The following MCOLN2 variants were observed in gnomAD, a reference collection of about 807,000 sequenced individuals.
MCOLN2 encodes mucolipin TRP cation channel 2.
In MCOLN2, 57 loss-of-function variants were observed where a neutral mutation model predicts 67.5. The ratio of observed to expected loss-of-function variants is 0.84; its 90% CI spans 0.68 to 1.05. The LOEUF is 1.05. Ranked by LOEUF, MCOLN2 falls within the 50% of genes least tolerant of loss-of-function variation. The pLI is 0.00. For missense variants in MCOLN2, 620 were observed against 678.8 expected, an observed-to-expected ratio of 0.91 and a Z score of 0.96; for synonymous variants, 246 against 233.3, an observed-to-expected ratio of 1.05 and a Z score of -0.50.
intron 7 of MCOLN2, among the ~76,000 whole-genome samples, chr1:84,944,616 T>C (rs1647991982): frequency 1.3e-5 from 2 of 152,006 alleles, no homozygotes; most frequent in Non-Finnish European, 2.9e-5. Flanking sequence ...CCCCAATTCC[T>C]CCCCAAGCCC....
chr1:84,937,797 G>A lies in MCOLN2; in HGVS notation c.1293C>T (p.Tyr431=). 2 of 1,614,160 alleles carry A rather than the reference G, an allele frequency of 1.2e-6. No individual in the cohort carries two copies. Among genetic ancestry groups the A allele is most frequent in the Non-Finnish European group, 1.7e-6 (2 of 1,180,034 alleles). ...CTAAGACAATCCAGCCACAGAATGTGTAACCCAGATAAATCATACCAGCAC... is the reference window on the plus strand; with the variant it reads ...CTAAGACAATCCAGCCACAGAATGTATAACCCAGATAAATCATACCAGCAC... The part of the protein sequence containing the change: ...CACAGMIYLG[Y]TFCGWIVLGP... Residue 431 remains tyrosine (Y), a synonymous_variant, in exon 11 of 14, where the codon TAC becomes TAT. Transcript: ENST00000370608.
chr1:84,974,581 G>C (rs1457951333), intron 1 of MCOLN2, among the ~76,000 whole-genome samples: 1 of 151,916 alleles, frequency 6.6e-6, no homozygotes, highest in African/African-American at 2.4e-5. Context: ...ATTCCTGGCA[G>C]CATTCATCAC....
At chr1:84,976,374 A>AG (rs1282220214) in intron 1 of MCOLN2, among the ~76,000 whole-genome samples, 1 of 152,258 alleles carries the variant, frequency 6.6e-6, no homozygotes, top group Non-Finnish European at 1.5e-5. Flanking sequence ...GCCAAGAGTG[A>AG]GGGGCATGAC....
At chr1:84,961,659 C>T (rs1649094036) in intron 2 of MCOLN2, among the ~76,000 whole-genome samples, 1 of 152,036 alleles carries the variant, frequency 6.6e-6, no homozygotes, top group Admixed American at 6.6e-5. Flanking sequence ...ATGGTATTGG[C>T]CAAATGACTG....
At chr1:84,927,178 A>G (rs1050612785) in intron 13 of MCOLN2, among the ~76,000 whole-genome samples, 41 of 151,190 alleles carry the variant, frequency 2.7e-4, no homozygotes, top group African/African-American at 9.9e-4. Context: ...CGTTCAGCAC[A>G]TGTATCCCAG....
At chr1:84,934,040 T>C (rs933093987) in intron 11 of MCOLN2, among the ~76,000 whole-genome samples, 1 of 152,188 alleles carries the variant, frequency 6.6e-6, no homozygotes, top group Non-Finnish European at 1.5e-5. Flanking sequence ...ATACTCAAGG[T>C]CCTAATGTGC....
At chr1:84,934,355 G>A (rs1647313054) in intron 11 of MCOLN2, among the ~76,000 whole-genome samples, 1 of 152,116 alleles carries the variant, frequency 6.6e-6, no homozygotes, top group Non-Finnish European at 1.5e-5. Flanking sequence ...GGCCCACGAT[G>A]AGAACTCAAC....
chr1:84,940,863 G>A lies in MCOLN2; in HGVS notation c.960+16C>T. On this transcript the variant is annotated intron_variant, in intron 8 of 13. Coordinates refer to ENST00000370608, the MANE Select transcript of MCOLN2 (RefSeq NM_153259.4). ...CAGGCCAAGAGGGCAGGAAGAGAATGCGAACACACTCTTACCTTCCGTAAC... is the reference window on the plus strand; with the variant it reads ...CAGGCCAAGAGGGCAGGAAGAGAATACGAACACACTCTTACCTTCCGTAAC... The A allele has an allele frequency of 6.4e-7, 1 of 1,570,180 alleles. No individual in the cohort carries two copies. The highest frequency in any genetic ancestry group is 1.1e-5 in the South Asian group (1 of 88,152).
At chr1:84,995,533 C>T (rs1651099476) in intron 1 of MCOLN2, among the ~76,000 whole-genome samples, 1 of 152,132 alleles carries the variant, frequency 6.6e-6, no homozygotes, top group South Asian at 2.1e-4. Context: ...GGAAAGTCCA[C>T]TTTTACTTTT....
intron 9 of MCOLN2, 86 bp downstream of exon 9, chr1:84,939,467 G>A (rs766822615): frequency 7.4e-5 from 95 of 1,290,256 alleles, no homozygotes; most frequent in Non-Finnish European, 1.0e-4. Flanking sequence ...GAATCAAAGT[G>A]GTCTCCAAAG....
chr1:84,944,397 G>C (rs1240363259), intron 7 of MCOLN2, among the ~76,000 whole-genome samples: 1 of 152,100 alleles, frequency 6.6e-6, no homozygotes, highest in Non-Finnish European at 1.5e-5. Context: ...GTCGGGCGTG[G>C]TGGGGTGTGC....
intron 2 of MCOLN2, among the ~76,000 whole-genome samples, chr1:84,959,093 T>C (rs1372797834): frequency 6.6e-6 from 1 of 152,238 alleles, no homozygotes; most frequent in East Asian, 1.9e-4. Context: ...ATTTAGAAAT[T>C]GTAGTATTTT....
chr1:84,993,619 C>CTTTTTTT (rs869075778), intron 1 of MCOLN2, among the ~76,000 whole-genome samples: 1 of 118,534 alleles, frequency 8.4e-6, no homozygotes. Flanking sequence ...TAAATAATGT[C>CTTTTTTT]TTTTTTTTTT....
In MCOLN2 at chr1:84,943,454, G is replaced by C. The variant is rs1488126496; in HGVS notation, c.848-2463C>G. Among the ~76,000 whole-genome samples, 7 of 152,126 alleles carry C rather than the reference G, an allele frequency of 4.6e-5. No homozygotes were observed. The East Asian group carries it at 1.3e-3, about 29-fold the overall frequency. On this transcript the variant is annotated intron_variant, in intron 7 of 13. Coordinates refer to ENST00000370608, the MANE Select transcript of MCOLN2 (RefSeq NM_153259.4). ...GAATTAGAAAAGGAGATGAGCTCAG[G>C]AATGGGATGGAGCAGAAAGGCCAGA... is the stretch of plus-strand genomic sequence containing the variant.
At chr1:84,958,331 TA>T (rs1305527077) in intron 3 of MCOLN2, among the ~76,000 whole-genome samples, 197 bp downstream of exon 3, 1 of 152,220 alleles carries the variant, frequency 6.6e-6, no homozygotes, top group Admixed American at 6.5e-5. Context: ...AAAAGATAAA[TA>T]TTTTTTAAAA....
At chr1:84,931,105 T>C (rs1009959577) in intron 12 of MCOLN2, among the ~76,000 whole-genome samples, 1 of 152,126 alleles carries the variant, frequency 6.6e-6, no homozygotes, top group Admixed American at 6.5e-5. Flanking sequence ...ACCAGCAGCC[T>C]GACTACCTGA....
intron 1 of MCOLN2, among the ~76,000 whole-genome samples, chr1:84,995,809 A>AAAT (rs1219262973): frequency 6.6e-6 from 1 of 151,870 alleles, no homozygotes; most frequent in Non-Finnish European, 1.5e-5. Context: ...ATTTTTTTAA[A>AAAT]AAAAAACACT....
intron 6 of MCOLN2, among the ~76,000 whole-genome samples, chr1:84,948,865 C>A (rs778717886): frequency 6.6e-6 from 1 of 152,248 alleles, no homozygotes; most frequent in Non-Finnish European, 1.5e-5. Context: ...GGTGCAGTGG[C>A]CTGCCTGTAA....
At chr1:84,993,742 T>C (rs537220138) in intron 1 of MCOLN2, among the ~76,000 whole-genome samples, 508 of 150,438 alleles carry the variant, frequency 3.4e-3, no homozygotes, top group African/African-American at 0.012. Context: ...GCCATTCTCC[T>C]GCCTCAGCCT....
Sources: allele counts gnomAD v4.1 joint callset (sites outside exome capture counted in the v4.1 genomes callset), GRCh38; gene constraint gnomAD v4.1.1; transcripts MANE v1.5; gene names NCBI Gene and HGNC (gene_info 2026-07-23, HGNC 2026-07-21).